The following GCC2 variants were observed in gnomAD, a reference collection of about 807,000 sequenced individuals.
The protein encoded by GCC2 is GRIP and coiled-coil domain-containing protein 2.
In GCC2, 120 loss-of-function variants were observed where a neutral mutation model predicts 210.6. The observed-to-expected ratio is 0.57, with a 90% CI of 0.49 to 0.66. GCC2 has a LOEUF of 0.66. GCC2 is among the 30% of genes least tolerant of loss of function. The pLI, the probability that GCC2 is intolerant of heterozygous loss-of-function variation, is 0.00. For synonymous variants in GCC2, 703 were observed against 652.7 expected (o/e 1.08, Z -1.17); for missense variants, 1,868 against 1,871.9 (o/e 1.00, Z 0.04).
intron 3 of GCC2, among the ~76,000 whole-genome samples, chr2:108,452,052 C>G (rs57235417): frequency 0.03 from 4,524 of 152,104 alleles, 87 homozygotes; most frequent in African/African-American, 0.049. Flanking sequence ...CCATGTTGGC[C>G]AGGCTGTTCT....
chr2:108,501,024 G>T (rs1682899045), intron 22 of GCC2, among the ~76,000 whole-genome samples: 1 of 152,104 alleles, frequency 6.6e-6, no homozygotes, highest in Non-Finnish European at 1.5e-5. Context: ...GAGACATAGT[G>T]TTGCTCTGTC....
intron 9 of GCC2, among the ~76,000 whole-genome samples, chr2:108,478,070 G>GA (rs146283405): frequency 0.22 from 33,995 of 152,030 alleles, 4,200 homozygotes; most frequent in African/African-American, 0.32. Flanking sequence ...ATTTGAAATT[G>GA]ATATGCCTGG....
At position 108,484,191 on chromosome 2, in the gene GCC2, T is replaced by A; in HGVS notation, c.3493T>A (p.Tyr1165Asn). The A allele has an allele frequency of 6.3e-7, 1 of 1,593,540 alleles. No homozygotes were observed. Residue 1165 changes from tyrosine (Y) to asparagine (N), a missense_variant, in exon 13 of 23, where the codon TAT (tyrosine) becomes AAT (asparagine). By Grantham distance (143) the Tyr-to-Asn change is moderately radical (BLOSUM62 -2). Coordinates refer to ENST00000309863, the MANE Select transcript of GCC2 (RefSeq NM_181453.4). ...TTLMNMEIAD[Y>N]ERLMKELNQK... Reference sequence around the variant, plus strand: ...ATTGATGAATATGGAAATAGCTGATTATGAACGTTTGATGAAAGAACTAAA... The same window carrying A: ...ATTGATGAATATGGAAATAGCTGATAATGAACGTTTGATGAAAGAACTAAA...
intron 9 of GCC2, among the ~76,000 whole-genome samples, chr2:108,479,669 A>G (rs1681734484): frequency 6.6e-6 from 1 of 151,758 alleles, no homozygotes; most frequent in South Asian, 2.1e-4. Context: ...GCACGATCCA[A>G]AAGAGCATAA....
rs1459406823 is a variant in GCC2, at chr2:108,509,089, A to G, written c.*1459A>G. ...CTAGTGAATGTATTAATGAAAATGC[A>G]TCTATTTCAGAGCTGACATGAAGAG... On this transcript the variant is annotated 3_prime_UTR_variant, in exon 23 of 23. Coordinates refer to ENST00000309863, the MANE Select transcript of GCC2 (RefSeq NM_181453.4). 5 of 152,662 alleles carry G rather than the reference A, an allele frequency of 3.3e-5. No homozygotes were observed. The highest frequency in any genetic ancestry group is 7.3e-5 in the Non-Finnish European group (5 of 68,046). The allele number at this position is 152,662 out of a possible 1,614,324, so 9.5% of individuals were successfully genotyped here. A position where few individuals can be genotyped will look rare whatever the true frequency, so the allele number is the denominator to read the frequency against.
At position 108,485,903 on chromosome 2, in the gene GCC2, T is replaced by G. The variant is rs1194756808; in HGVS notation, c.3787T>G (p.Tyr1263Asp). 6.5e-7 allele frequency: 1 copy of G among 1,541,322 alleles called. No homozygotes were observed. Among genetic ancestry groups the G allele is most frequent in the Non-Finnish European group, 8.9e-7 (1 of 1,129,754 alleles). Residue 1263 changes from tyrosine to aspartate, a missense_variant, in exon 15 of 23, where the codon TAT becomes GAT. Tyr to Asp is a radical substitution (Grantham distance 160). Around this residue, in one of 3 missense-constraint regions of GCC2, gnomAD observed 1,847 missense variants for 1,765.2 expected, o/e 1.05. Coordinates refer to ENST00000309863, the MANE Select transcript of GCC2 (RefSeq NM_181453.4). ...GGCAAGCCAGCAGCAAGTAGAAGTCTATAAAGTAAGGGTTTTACTTTTTAA... is the reference window on the plus strand; with the variant it reads ...GGCAAGCCAGCAGCAAGTAGAAGTCGATAAAGTAAGGGTTTTACTTTTTAA... The part of the protein sequence containing the change: ...LEASQQQVEV[Y>D]KIQLAEITSE...
chr2:108,450,579 T>C (rs1273258605), intron 2 of GCC2, among the ~76,000 whole-genome samples: 1 of 152,210 alleles, frequency 6.6e-6, no homozygotes, highest in East Asian at 1.9e-4. Context: ...TGACGTTGCA[T>C]TTGCTGATTT....
chr2:108,470,331 C>A lies in GCC2; in HGVS notation c.1002C>A (p.Val334=). The change falls in exon 6 of 23, where the codon GTC becomes GTA. Residue 334 remains valine, a synonymous_variant. Transcript: ENST00000309863. ...TFVEQVVNEK[V]KHLEDTLKEL... Reference sequence around the variant, plus strand: ...TAGAACAAGTAGTAAATGAAAAAGTCAAACACTTAGAAGATACCTTAAAAG... The same window carrying A: ...TAGAACAAGTAGTAAATGAAAAAGTAAAACACTTAGAAGATACCTTAAAAG... 1 of 1,610,242 alleles carries A rather than the reference C, an allele frequency of 6.2e-7. No individual in the cohort carries two copies. The highest frequency in any genetic ancestry group is 1.1e-5 in the South Asian group (1 of 90,318).
chr2:108,463,300 T>C (rs1326535631), intron 4 of GCC2, among the ~76,000 whole-genome samples: 2 of 152,242 alleles, frequency 1.3e-5, no homozygotes, highest in Admixed American at 6.5e-5. Context: ...TACCTTGATA[T>C]CTGTGCATCT....
At chr2:108,450,967 T>A (rs1679912590) in intron 2 of GCC2, 61 bp from the exon 3 acceptor site, 2 of 1,022,426 alleles carry the variant, frequency 2.0e-6, no homozygotes, top group South Asian at 2.7e-5. Flanking sequence ...CATTGTTTCT[T>A]TTTTGTGGTA....
chr2:108,454,962 C>T (rs1032776951), intron 4 of GCC2, among the ~76,000 whole-genome samples: 4 of 119,428 alleles, frequency 3.3e-5, no homozygotes, highest in African/African-American at 1.2e-4. Flanking sequence ...GCGTGATCTC[C>T]GCTCACTGCA....
intron 12 of GCC2, among the ~76,000 whole-genome samples, chr2:108,483,800 C>T (rs906213351): frequency 1.3e-5 from 2 of 152,072 alleles, no homozygotes; most frequent in African/African-American, 2.4e-5. Context: ...GCTGACTTTA[C>T]TCCTTCAAAG....
At chr2:108,461,638 G>A (rs1439382953) in intron 4 of GCC2, among the ~76,000 whole-genome samples, 1 of 151,656 alleles carries the variant, frequency 6.6e-6, no homozygotes, top group Non-Finnish European at 1.5e-5. Flanking sequence ...AAGTAGCTGG[G>A]ATTACAGCCA....
At chr2:108,488,810 G>A (rs1682269450) in intron 17 of GCC2, among the ~76,000 whole-genome samples, 1 of 152,124 alleles carries the variant, frequency 6.6e-6, no homozygotes, top group African/African-American at 2.4e-5. Flanking sequence ...TGAAATTTTT[G>A]TATGTTTATG....
At position 108,492,621 on chromosome 2, in the gene GCC2, A is replaced by C. The variant is rs368044415; in HGVS notation, c.4278A>C (p.Thr1426=). Residue 1426 remains threonine (T), a synonymous_variant, in exon 19 of 23, where the codon ACA becomes ACC. Transcript: ENST00000309863. ...SENMMMKSEH[T]QTVSQLTSQN... is the part of the protein sequence containing the mutation. The stretch of plus-strand genomic sequence containing the variant: ...ACATGATGATGAAATCTGAACATAC[A>C]CAGACTGTGAGTCAGCTAACATCCC... 5 of 1,613,750 alleles carry C rather than the reference A, an allele frequency of 3.1e-6. No homozygotes were observed. Among genetic ancestry groups the C allele is most frequent in the Non-Finnish European group, 4.2e-6 (5 of 1,179,714 alleles).
chr2:108,461,559 G>A (rs1171904129), intron 4 of GCC2, among the ~76,000 whole-genome samples: 1 of 152,138 alleles, frequency 6.6e-6, no homozygotes, highest in African/African-American at 2.4e-5. Context: ...AGGCTGGAGT[G>A]CAGTGGCGCA....
chr2:108,498,505 T>G (rs1225234517), intron 21 of GCC2, among the ~76,000 whole-genome samples: 2 of 152,152 alleles, frequency 1.3e-5, no homozygotes, highest in East Asian at 3.9e-4. Flanking sequence ...AATGTTATAT[T>G]TTCATAAATT....
chr2:108,467,263 C>CT (rs1680950980), intron 4 of GCC2, among the ~76,000 whole-genome samples: 1 of 152,124 alleles, frequency 6.6e-6, no homozygotes, highest in South Asian at 2.1e-4. Flanking sequence ...TCTTGATATT[C>CT]TTTGATACCA....
rs1477374361 is a variant in GCC2 at position 108,449,264 on chromosome 2, G to T, written c.-11G>T. 1.3e-6 allele frequency: 2 copies of T among 1,549,362 alleles called. No individual in the cohort carries two copies. Among genetic ancestry groups the T allele is most frequent in the African/African-American group, 2.7e-5 (2 of 73,020 alleles). ...GGCGGCTGGTTGCGGGCCGGCGGCG[G>T]GCTGGCGGAGATGGAGGTAACTCAG... On this transcript the variant is annotated 5_prime_UTR_variant, in exon 1 of 23. Transcript: ENST00000309863.
Sources: allele counts gnomAD v4.1 joint callset (sites outside exome capture counted in the v4.1 genomes callset), GRCh38; gene constraint gnomAD v4.1.1; regional missense constraint gnomAD v4.1.1; transcripts MANE v1.5; gene names NCBI Gene and HGNC (gene_info 2026-07-23, HGNC 2026-07-21).